Variants in CPA4 observed in about 807,000 individuals in gnomAD.
CPA4 encodes the protein carboxypeptidase A4, also known as carboxypeptidase A3.
CPA4 carries 49 observed loss-of-function variants against 54.7 expected under a neutral mutation model. That is an observed-to-expected ratio of 0.90 (90% CI 0.71 to 1.14). CPA4 has a LOEUF of 1.14. CPA4 is among the 50% of genes most tolerant of loss of function. The pLI is 0.00. For missense variants in CPA4, 487 were observed against 525.1 expected (o/e 0.93, Z 0.71); for synonymous variants, 215 against 206.8 (o/e 1.04, Z -0.34).
intron 1 of CPA4, among the ~76,000 whole-genome samples, chr7:130,297,221 C>T (rs1309731322): frequency 6.6e-6 from 1 of 152,248 alleles, no homozygotes; most frequent in Non-Finnish European, 1.5e-5. Flanking sequence ...TCCTGAAGCA[C>T]TGGGATCACA....
At chr7:130,300,286 T>C (rs867774147) in intron 3 of CPA4, among the ~76,000 whole-genome samples, 15 of 151,074 alleles carry the variant, frequency 9.9e-5, no homozygotes, top group Non-Finnish European at 2.1e-4. Context: ...TTCCAGGGAG[T>C]AAGTGGGTTT....
chr7:130,303,766 C>G (rs965173049), intron 4 of CPA4, among the ~76,000 whole-genome samples: 8 of 150,960 alleles, frequency 5.3e-5, no homozygotes, highest in African/African-American at 1.9e-4. Flanking sequence ...GTAGCTGGGA[C>G]CACAGATACA....
In CPA4 at chr7:130,308,309, C is replaced by T; in HGVS notation, c.705C>T (p.Asn235=). The change falls in exon 8 of 11, where the codon AAC becomes AAT. Residue 235 remains asparagine, a splice_region_variant and synonymous_variant. Transcript: ENST00000222482. ...CCCCTCCTTGGTGGCTTTTTCAGAACCGATTATGGAGGAAGACGCGGTCCC... is the reference window on the plus strand; with the variant it reads ...CCCCTCCTTGGTGGCTTTTTCAGAATCGATTATGGAGGAAGACGCGGTCCC... The part of the protein sequence containing the change: ...PDGYVYTQTQ[N]RLWRKTRSRN... 1.2e-6 allele frequency: 2 copies of T among 1,614,032 alleles called. No homozygotes were observed. Among genetic ancestry groups the T allele is most frequent in the South Asian group, 1.1e-5 (1 of 91,070 alleles).
chr7:130,306,045 C>A, intron 6 of CPA4, 125 bp downstream of exon 6: 1 of 728,350 alleles, frequency 1.4e-6, no homozygotes, highest in Non-Finnish European at 2.3e-6. Flanking sequence ...GGCTGGGGGG[C>A]CTTTTCAGAT....
chr7:130,304,777 C>G, intron 5 of CPA4, 198 bp downstream of exon 5: 1 of 599,770 alleles, frequency 1.7e-6, no homozygotes, highest in Non-Finnish European at 3.0e-6. Context: ...AGAAGGAGCA[C>G]ATCCCATTCC....
chr7:130,320,358 G>A (rs1191460076), intron 10 of CPA4, among the ~76,000 whole-genome samples: 1 of 152,182 alleles, frequency 6.6e-6, no homozygotes, highest in Non-Finnish European at 1.5e-5. Flanking sequence ...CTCAGCAGAA[G>A]CCTTTTTGCC....
chr7:130,321,527 A>T (rs1342848919), intron 10 of CPA4, among the ~76,000 whole-genome samples: 2 of 152,172 alleles, frequency 1.3e-5, no homozygotes, highest in Non-Finnish European at 2.9e-5. Context: ...CAGTCAACCT[A>T]AGGCTTGTGT....
chr7:130,305,932 T>G lies in CPA4; in HGVS notation c.591+12T>G. On this transcript the variant is annotated intron_variant, in intron 6 of 10. Coordinates refer to ENST00000222482, the MANE Select transcript of CPA4 (RefSeq NM_016352.4). ...GGACGGCAAGGAAGGTCATGCTGCGTGGTATTAGCCAGGAATGCTGATGGT... is the reference window on the plus strand; with the variant it reads ...GGACGGCAAGGAAGGTCATGCTGCGGGGTATTAGCCAGGAATGCTGATGGT... 1 of 1,605,268 alleles carries G rather than the reference T, an allele frequency of 6.2e-7. No individual in the cohort carries two copies. Among genetic ancestry groups the G allele is most frequent in the East Asian group, 2.2e-5 (1 of 44,838 alleles).
In CPA4 at chr7:130,293,395, T is replaced by G; in HGVS notation, c.68+147T>G. 7.7e-6 allele frequency: 5 copies of G among 652,294 alleles called. No individual in the cohort carries two copies. In the South Asian group the frequency reaches 8.1e-5, roughly 11 times the overall value. 40.4% of individuals were successfully genotyped at this position (652,294 alleles called of 1,614,324 possible). On this transcript the variant is annotated intron_variant, in intron 1 of 10. Coordinates refer to ENST00000222482, the MANE Select transcript of CPA4 (RefSeq NM_016352.4). ...TTGCCCCTGTGTCATCCTGGACAAG[T>G]CCACTCTCTTCTCTGAGACCCCATT...
At chr7:130,298,075 C>T (rs949609563) in intron 1 of CPA4, among the ~76,000 whole-genome samples, 6 of 152,204 alleles carry the variant, frequency 3.9e-5, no homozygotes, top group Non-Finnish European at 7.3e-5. Context: ...AGCCTCAGCA[C>T]CATGGGCCAT....
At chr7:130,308,113 C>T (rs1220797987) in intron 7 of CPA4, 194 bp from the exon 8 acceptor site, 18 of 600,358 alleles carry the variant, frequency 3.0e-5, no homozygotes, top group South Asian at 3.0e-4. Context: ...AAGTCCTTCT[C>T]TTAGAGCCGG....
chr7:130,313,827 A>C (rs1230417875), intron 10 of CPA4, among the ~76,000 whole-genome samples: 1 of 152,252 alleles, frequency 6.6e-6, no homozygotes, highest in Non-Finnish European at 1.5e-5. Context: ...TGCCACACCA[A>C]AAGAACAAGA....
Position 130,293,268 on chromosome 7 carries a change from A to G in CPA4, c.68+20A>G, listed in dbSNP as rs772290572. 9 of 1,459,942 alleles carry G rather than the reference A, an allele frequency of 6.2e-6. No homozygotes were observed. In the South Asian group the frequency reaches 8.0e-5, roughly 13 times the overall value. The allele number at this position is 1,459,942 out of a possible 1,614,324, so 90.4% of individuals were successfully genotyped here. A position where few individuals can be genotyped will look rare whatever the true frequency, so the allele number is the denominator to read the frequency against. ...TTTTGGGTAAGTTCCTTTTGGACTT[A>G]TTATTTGGTTATTTCAGAAATATGG... On this transcript the variant is annotated intron_variant, in intron 1 of 10. Coordinates refer to ENST00000222482, the MANE Select transcript of CPA4 (RefSeq NM_016352.4).
intron 1 of CPA4, among the ~76,000 whole-genome samples, chr7:130,295,681 C>T (rs1793637554): frequency 6.6e-6 from 1 of 152,184 alleles, no homozygotes; most frequent in Admixed American, 6.5e-5. Context: ...TGCTTCTGTT[C>T]ATAAGGATAA....
At chr7:130,313,480 C>G (rs1193832950) in intron 10 of CPA4, among the ~76,000 whole-genome samples, 1 of 152,156 alleles carries the variant, frequency 6.6e-6, no homozygotes, top group African/African-American at 2.4e-5. Flanking sequence ...ATTTAATCCC[C>G]ATTTATTTTG....
chr7:130,316,723 A>G (rs1168488221), intron 10 of CPA4, among the ~76,000 whole-genome samples: 2 of 151,962 alleles, frequency 1.3e-5, no homozygotes, highest in Non-Finnish European at 2.9e-5. Flanking sequence ...GGATCACCTG[A>G]GGTCAGGAGT....
intron 1 of CPA4, among the ~76,000 whole-genome samples, chr7:130,298,288 A>G (rs1349748426): frequency 6.6e-6 from 1 of 152,216 alleles, no homozygotes; most frequent in African/African-American, 2.4e-5. Context: ...GTCTTGAGTT[A>G]GCTTTGCGTG....
chr7:130,305,868 T>C lies in CPA4; in HGVS notation c.539T>C (p.Ile180Thr). ...CCGGCCGTTTGGCTGAATGCAGGCA[T>C]CCATTCCCGAGAGTGGATCTCCCAG... ...RRPAVWLNAG[I>T]HSREWISQAT... The change falls in exon 6 of 11, where the codon ATC becomes ACC. Residue 180 changes from isoleucine to threonine, a missense_variant. Ile to Thr is a moderately conservative substitution (Grantham distance 89). Transcript: ENST00000222482. 1.9e-6 allele frequency: 3 copies of C among 1,614,128 alleles called. No individual in the cohort carries two copies. The highest frequency in any genetic ancestry group is 2.2e-5 in the South Asian group (2 of 91,084).
At chr7:130,321,784 G>A (rs904864282) in intron 10 of CPA4, among the ~76,000 whole-genome samples, 2 of 152,126 alleles carry the variant, frequency 1.3e-5, no homozygotes, top group African/African-American at 4.8e-5. Context: ...CAGTATGGGG[G>A]AAACCACTCC....
Sources: allele counts gnomAD v4.1 joint callset (sites outside exome capture counted in the v4.1 genomes callset), GRCh38; gene constraint gnomAD v4.1.1; transcripts MANE v1.5; gene names NCBI Gene and HGNC (gene_info 2026-07-23, HGNC 2026-07-21).